SOX5: variants seen among roughly 807,000 people sequenced by gnomAD.
The protein encoded by SOX5 is SRY-box transcription factor 5, also known as transcription factor SOX-5.
A neutral mutation model predicts 92.0 loss-of-function variants in SOX5; 9 were observed. That is an observed-to-expected ratio of 0.10 (90% CI 0.06 to 0.17). The LOEUF (loss-of-function observed/expected upper bound fraction) is 0.17, where lower values mean the gene tolerates loss of function less well. Among genes scored for constraint, SOX5 ranks in the 10% least tolerant of loss-of-function variants. SOX5 has a pLI of 1.00. For missense variants in SOX5, 642 were observed against 944.5 expected, an observed-to-expected ratio of 0.68 and a Z score of 4.20; for synonymous variants, 344 against 336.3, an observed-to-expected ratio of 1.02 and a Z score of -0.25.
intron 2 of SOX5, among the ~76,000 whole-genome samples, chr12:23,871,756 C>T (rs981824978): frequency 3.9e-5 from 6 of 152,044 alleles, no homozygotes; most frequent in African/African-American, 1.4e-4. Flanking sequence ...TTTTCTTCAA[C>T]CTCAATGTTC....
chr12:24,541,061 T>C (rs1009973771), intron 1 of SOX5, among the ~76,000 whole-genome samples: 15 of 152,234 alleles, frequency 9.9e-5, no homozygotes, highest in African/African-American at 3.1e-4. Context: ...CCCCAGTCTG[T>C]AGGCTTCTAT....
intron 1 of SOX5, among the ~76,000 whole-genome samples, chr12:24,518,632 C>T (rs1203942971): frequency 6.6e-6 from 1 of 152,038 alleles, no homozygotes; most frequent in East Asian, 1.9e-4. Flanking sequence ...TTATCATAAG[C>T]ACTTTTGTGA....
chr12:23,850,638 G>A (rs559822862), intron 2 of SOX5, among the ~76,000 whole-genome samples: 3 of 151,776 alleles, frequency 2.0e-5, no homozygotes, highest in African/African-American at 7.3e-5. Context: ...GCCAAATTAG[G>A]AGGTACCAAA....
At chr12:23,642,810 G>GTATGAGAGTAACAGAAGACTCAA (rs1555223747) in intron 7 of SOX5, among the ~76,000 whole-genome samples, 17 of 146,760 alleles carry the variant, frequency 1.2e-4, no homozygotes, top group Non-Finnish European at 2.2e-4. Flanking sequence ...ATTATGGGCC[G>GTATGAGAGTAACAGAAGACTCAA]GGCGCGGTGG....
intron 2 of SOX5, among the ~76,000 whole-genome samples, chr12:24,320,422 A>G (rs1950096848): frequency 6.6e-6 from 1 of 152,128 alleles, no homozygotes; most frequent in Admixed American, 6.5e-5. Flanking sequence ...GTCCTCCACC[A>G]AATTTCCTCA....
chr12:24,144,748 G>A (rs750758009), intron 4 of SOX5, among the ~76,000 whole-genome samples: 5 of 152,062 alleles, frequency 3.3e-5, no homozygotes, highest in Admixed American at 6.5e-5. Context: ...AGGATTGCTC[G>A]GGCCCAGGAG....
intron 3 of SOX5, among the ~76,000 whole-genome samples, chr12:24,228,769 A>T (rs756708332): frequency 2.6e-5 from 4 of 152,002 alleles, no homozygotes; most frequent in Non-Finnish European, 5.9e-5. Flanking sequence ...TTCCATGCTA[A>T]TCTTTCAACT....
chr12:24,551,465 C>T (rs1005433580), intron 1 of SOX5, among the ~76,000 whole-genome samples: 9 of 152,202 alleles, frequency 5.9e-5, no homozygotes, highest in African/African-American at 1.9e-4. Context: ...AAAGATTTAG[C>T]TTCTCTCTTT....
intron 4 of SOX5, among the ~76,000 whole-genome samples, chr12:24,095,631 T>C (rs1321617322): frequency 6.6e-6 from 1 of 152,044 alleles, no homozygotes; most frequent in East Asian, 1.9e-4. Flanking sequence ...TCTGATATGG[T>C]TAGGCAGTGT....
intron 4 of SOX5, among the ~76,000 whole-genome samples, chr12:24,160,593 C>T (rs1211993260): frequency 5.9e-5 from 9 of 151,502 alleles, no homozygotes; most frequent in East Asian, 5.8e-4. Flanking sequence ...AGGGACTGGA[C>T]GAAGGAAGGT....
chr12:24,285,213 T>C (rs1226658839), intron 2 of SOX5, among the ~76,000 whole-genome samples: 1 of 152,148 alleles, frequency 6.6e-6, no homozygotes, highest in Non-Finnish European at 1.5e-5. Flanking sequence ...TTGCTAATTT[T>C]ATTTTATTTT....
intron 8 of SOX5, among the ~76,000 whole-genome samples, chr12:23,633,440 C>T (rs953076192): frequency 3.3e-5 from 5 of 151,890 alleles, no homozygotes; most frequent in East Asian, 1.9e-4. Context: ...AGTGTAACTT[C>T]GTTTTGTGTA....
chr12:24,248,789 A>G (rs1939429529), intron 3 of SOX5, among the ~76,000 whole-genome samples: 1 of 151,944 alleles, frequency 6.6e-6, no homozygotes. Flanking sequence ...TCTCTGTATA[A>G]GCCTTTCTTT....
In SOX5 at chr12:24,255,310, T is replaced by C. The variant is rs148559769; in HGVS notation, c.-77+21906A>G. On this transcript the variant is annotated intron_variant, in intron 3 of 4. Transcript: ENST00000446891. The stretch of plus-strand genomic sequence containing the variant: ...GTGGCAATATTGCCTTTAGACAATA[T>C]ATGGATTAATTCTTAGGAAAATAGC... 4.8e-3 allele frequency among the ~76,000 whole-genome samples: 735 copies of C among 152,270 alleles called. 17 individuals carry two copies. In the South Asian group the frequency reaches 0.063, roughly 13 times the overall value.
Position 23,593,087 on chromosome 12 carries a change from AT to A in SOX5, c.1164+11299del, listed in dbSNP as rs201822460. 2.6e-3 allele frequency among the ~76,000 whole-genome samples: 394 copies of A among 152,140 alleles called. 3 individuals are homozygous for A. Among genetic ancestry groups the A allele is most frequent in the African/African-American group, 8.8e-3 (365 of 41,498 alleles). ...GAGTTAGACCCTGTCTCAAAAATAA[AT>A]AAATAAATAAATAAATTACTGTTTC... is the stretch of plus-strand genomic sequence containing the variant. On this transcript the variant is annotated intron_variant, in intron 9 of 14. Transcript: ENST00000451604.
At chr12:24,108,963 G>A (rs776219813) in intron 4 of SOX5, among the ~76,000 whole-genome samples, 1 of 152,062 alleles carries the variant, frequency 6.6e-6, no homozygotes, top group African/African-American at 2.4e-5. Flanking sequence ...CTAGCTCTTT[G>A]TAGCTAGCAA....
At chr12:23,971,679 G>T (rs972898129) in intron 4 of SOX5, among the ~76,000 whole-genome samples, 1 of 151,822 alleles carries the variant, frequency 6.6e-6, no homozygotes, top group African/African-American at 2.4e-5. Context: ...ATTTTGAAGA[G>T]AATAATTCTC....
intron 3 of SOX5, among the ~76,000 whole-genome samples, chr12:23,836,694 G>A (rs958468746): frequency 6.6e-6 from 1 of 151,846 alleles, no homozygotes; most frequent in Non-Finnish European, 1.5e-5. Context: ...CTCCATGAAA[G>A]GAAGCAAAGA....
intron 9 of SOX5, among the ~76,000 whole-genome samples, chr12:23,582,650 T>G (rs779019779): frequency 2.6e-5 from 4 of 152,098 alleles, no homozygotes; most frequent in African/African-American, 4.8e-5. Flanking sequence ...ATAGGTATGC[T>G]TTTGCTGTGT....
Sources: allele counts gnomAD v4.1 joint callset (sites outside exome capture counted in the v4.1 genomes callset), GRCh38; gene constraint gnomAD v4.1.1; transcripts MANE v1.5; gene names NCBI Gene and HGNC (gene_info 2026-07-23, HGNC 2026-07-21).